The following RBFOX1 variants were observed in gnomAD, a reference collection of about 807,000 sequenced individuals.
RBFOX1 encodes RNA binding fox-1 homolog 1.
A neutral mutation model predicts 57.7 loss-of-function variants in RBFOX1; 8 were observed. That is an observed-to-expected ratio of 0.14 (90% CI 0.08 to 0.25). The LOEUF (loss-of-function observed/expected upper bound fraction) is 0.25. Among genes scored for constraint, RBFOX1 ranks in the 10% least tolerant of loss-of-function variants. The pLI, the probability that RBFOX1 is intolerant of heterozygous loss-of-function variation, is 1.00. For missense variants in RBFOX1, 611 were observed against 548.5 expected (o/e 1.11, Z -1.14); for synonymous variants, 326 against 222.4 (o/e 1.47, Z -4.15).
chr16:5,850,859 C>A (rs1162707070), intron 3 of RBFOX1, among the ~76,000 whole-genome samples: 1 of 152,222 alleles, frequency 6.6e-6, no homozygotes, highest in Non-Finnish European at 1.5e-5. Context: ...GGGAGACAGG[C>A]AGCTCAGCGT....
At chr16:7,190,478 C>T (rs368298755) in intron 4 of RBFOX1, among the ~76,000 whole-genome samples, 1 of 152,142 alleles carries the variant, frequency 6.6e-6, no homozygotes, top group African/African-American at 2.4e-5. Flanking sequence ...GGTATTTTTA[C>T]ATATCATCCA....
chr16:6,201,279 C>G (rs2097213471), intron 1 of RBFOX1, among the ~76,000 whole-genome samples: 1 of 152,102 alleles, frequency 6.6e-6, no homozygotes, highest in Non-Finnish European at 1.5e-5. Context: ...GAGGTGCAGA[C>G]CTCTTCTTTA....
intron 2 of RBFOX1, among the ~76,000 whole-genome samples, chr16:6,429,466 A>G (rs182251667): frequency 2.0e-5 from 3 of 152,334 alleles, no homozygotes; most frequent in Admixed American, 6.5e-5. Context: ...CTCAGGTGCA[A>G]TGCAGATGAT....
At chr16:7,651,825 C>T (rs961205923) in intron 11 of RBFOX1, among the ~76,000 whole-genome samples, 1 of 152,166 alleles carries the variant, frequency 6.6e-6, no homozygotes, top group Admixed American at 6.5e-5. Context: ...CAGGGACTTA[C>T]CAAATGCATT....
At chr16:5,240,768 C>G (rs1436987813) in intron 1 of RBFOX1, among the ~76,000 whole-genome samples, 1 of 152,154 alleles carries the variant, frequency 6.6e-6, no homozygotes, top group East Asian at 1.9e-4. Flanking sequence ...ACACGTGGGC[C>G]CCTGAGTGAC....
At chr16:6,202,303 G>A (rs1230426760) in intron 1 of RBFOX1, among the ~76,000 whole-genome samples, 1 of 152,058 alleles carries the variant, frequency 6.6e-6, no homozygotes, top group East Asian at 1.9e-4. Context: ...ATCAAAACTT[G>A]TCTAGGAAGA....
chr16:7,172,066 G>C (rs114274095), intron 4 of RBFOX1, among the ~76,000 whole-genome samples: 5 of 151,942 alleles, frequency 3.3e-5, no homozygotes, highest in Non-Finnish European at 7.4e-5. Context: ...GGGCAATTTA[G>C]AAAAAAATAT....
chr16:6,200,273 G>A (rs1037225827), intron 1 of RBFOX1, among the ~76,000 whole-genome samples: 9 of 152,106 alleles, frequency 5.9e-5, no homozygotes, highest in African/African-American at 1.4e-4. Context: ...GAGGGTGGAC[G>A]GTCTCTCTGC....
chr16:6,184,638 C>T (rs912600186), intron 1 of RBFOX1, among the ~76,000 whole-genome samples: 1 of 152,144 alleles, frequency 6.6e-6, no homozygotes. Flanking sequence ...CAGTTCACTG[C>T]AACCTCCGCC....
chr16:7,363,686 T>C (rs770291781), intron 4 of RBFOX1, among the ~76,000 whole-genome samples: 3 of 152,198 alleles, frequency 2.0e-5, no homozygotes, highest in Non-Finnish European at 4.4e-5. Context: ...TCCATTTAAG[T>C]TGTTTTGTTG....
chr16:6,880,046 G>C (rs12931607), intron 3 of RBFOX1, among the ~76,000 whole-genome samples: 40,314 of 152,058 alleles, frequency 0.27, 5,570 homozygotes, highest in African/African-American at 0.33. Flanking sequence ...ATCCATGCAA[G>C]TAAATTTTCC....
chr16:7,358,228 C>A (rs530425054), intron 4 of RBFOX1, among the ~76,000 whole-genome samples: 54 of 152,298 alleles, frequency 3.5e-4, no homozygotes, highest in Admixed American at 2.9e-3. Flanking sequence ...GAATACATAA[C>A]CAAGTCAGCC....
chr16:7,531,462 G>A (rs959833212), intron 5 of RBFOX1, among the ~76,000 whole-genome samples: 3 of 152,168 alleles, frequency 2.0e-5, no homozygotes, highest in Admixed American at 6.5e-5. Context: ...TGGCCTAGAT[G>A]AGAAAACCAG....
chr16:7,210,742 G>C (rs1251102230), intron 4 of RBFOX1, among the ~76,000 whole-genome samples: 1 of 152,026 alleles, frequency 6.6e-6, no homozygotes, highest in Non-Finnish European at 1.5e-5. Flanking sequence ...TATCAATAAG[G>C]GGGTTCAGGG....
chr16:6,736,604 G>A (rs990794529), intron 3 of RBFOX1, among the ~76,000 whole-genome samples: 1 of 152,172 alleles, frequency 6.6e-6, no homozygotes, highest in Non-Finnish European at 1.5e-5. Context: ...GTTGTGAATT[G>A]TGCCACTATA....
chr16:7,334,967 T>G (rs1242201538), intron 4 of RBFOX1, among the ~76,000 whole-genome samples: 1 of 152,234 alleles, frequency 6.6e-6, no homozygotes, highest in African/African-American at 2.4e-5. Context: ...TGCTGTGATA[T>G]GTGTTATCTC....
chr16:5,696,549 T>G (rs1304592177), intron 3 of RBFOX1, among the ~76,000 whole-genome samples: 2 of 152,226 alleles, frequency 1.3e-5, no homozygotes, highest in Non-Finnish European at 2.9e-5. Flanking sequence ...GTTTTCAAAT[T>G]TACCGCATAT....
At chr16:6,565,238 G>T (rs2097245216) in intron 2 of RBFOX1, among the ~76,000 whole-genome samples, 2 of 149,248 alleles carry the variant, frequency 1.3e-5, no homozygotes, top group Non-Finnish European at 3.0e-5. Context: ...CCCCAAATGT[G>T]AAATGACTTT....
At chr16:6,986,226 A>C (rs2090242956) in intron 3 of RBFOX1, among the ~76,000 whole-genome samples, 1 of 90,890 alleles carries the variant, frequency 1.1e-5, no homozygotes, top group Non-Finnish European at 2.1e-5. Context: ...TCTGAGACAG[A>C]GTCTTGGTCT....
Sources: gnomAD v4.1 joint callset for allele counts (sites outside exome capture counted in the v4.1 genomes callset) on GRCh38, gnomAD v4.1.1 for gene constraint, MANE v1.5 for transcripts, NCBI Gene and HGNC (gene_info 2026-07-23, HGNC 2026-07-21) for gene names.